TAF5: variants seen among roughly 807,000 people sequenced by gnomAD.
TAF5 encodes TATA-box binding protein associated factor 5.
A neutral mutation model predicts 80.9 loss-of-function variants in TAF5; 20 were observed. The observed-to-expected ratio is 0.25, with a 90% confidence interval of 0.17 to 0.36. The LOEUF is 0.36. TAF5 is among the 10% of genes least tolerant of loss of function. The pLI is 1.00. For missense variants in TAF5, 863 were observed against 1,029.4 expected (o/e 0.84, Z 2.21); for synonymous variants, 388 against 406.4 (o/e 0.95, Z 0.55).
At chr10:103,381,558 C>T (rs567823105) in intron 5 of TAF5, among the ~76,000 whole-genome samples, 163 bp from the exon 6 acceptor site, 4 of 152,282 alleles carry the variant, frequency 2.6e-5, no homozygotes, top group Admixed American at 6.5e-5. Context: ...TGAGCCAGTG[C>T]GCTTGGCCAA....
chr10:103,385,259 A>G, intron 7 of TAF5, 67 bp from the exon 8 acceptor site: 1 of 1,265,986 alleles, frequency 7.9e-7, no homozygotes, highest in Non-Finnish European at 1.1e-6. Context: ...ATTCAAATGT[A>G]TATAAAACTG....
At chr10:103,372,224 C>G (rs1209115833) in intron 1 of TAF5, among the ~76,000 whole-genome samples, 1 of 151,600 alleles carries the variant, frequency 6.6e-6, no homozygotes, top group Non-Finnish European at 1.5e-5. Flanking sequence ...TGTGAGCCAC[C>G]GTGTTGGCCT....
chr10:103,385,497 ACAC>A lies in TAF5; in HGVS notation c.1829+8_1829+10del, dbSNP rs754706967. ...GCCATGACCGAGTAGCTCGGTAAGA[ACAC>A]TGTGATCTTATGACTGGGTCTATTC... is the stretch of plus-strand genomic sequence containing the variant. On this transcript the variant is annotated splice_region_variant and intron_variant, in intron 8 of 10. Coordinates refer to ENST00000369839, the MANE Select transcript of TAF5 (RefSeq NM_006951.5). 1.9e-6 allele frequency: 3 copies of A among 1,613,386 alleles called. No homozygotes were observed. The highest frequency in any genetic ancestry group is 2.5e-6 in the Non-Finnish European group (3 of 1,179,792).
At chr10:103,383,664 C>A (rs898377485) in intron 7 of TAF5, among the ~76,000 whole-genome samples, 1 of 151,472 alleles carries the variant, frequency 6.6e-6, no homozygotes, top group Non-Finnish European at 1.5e-5. Context: ...CCGCAACCTC[C>A]GCCTCCTGGG....
Position 103,378,690 on chromosome 10 carries a change from T to C in TAF5, c.1113+140T>C. 1.0e-6 allele frequency: 1 copy of C among 992,474 alleles called. No individual in the cohort carries two copies. The highest frequency in any genetic ancestry group is 1.7e-5 in the South Asian group (1 of 58,802). 61.5% of individuals were successfully genotyped at this position (992,474 alleles called of 1,614,324 possible). A position where few individuals can be genotyped will look rare whatever the true frequency, so the allele number is the denominator to read the frequency against. ...TGTTTGTTTTGAGACGGAGTTTTGC[T>C]CTTGTCACCCAAGCTGGAGTGCAGT... On this transcript the variant is annotated intron_variant, in intron 3 of 10. Transcript: ENST00000369839. This position sits in a 1 kb window ranked among gnomAD's most constrained non-coding sequence, Gnocchi z 4.1.
chr10:103,374,015 T>C lies in TAF5; in HGVS notation c.797+420T>C, dbSNP rs1427304773. Among the ~76,000 whole-genome samples the C allele has an allele frequency of 1.3e-5, 2 of 152,078 alleles. No homozygotes were observed. Among genetic ancestry groups the C allele is most frequent in the African/African-American group, 4.8e-5 (2 of 41,404 alleles). ...AGGGACTGGAACAGTAGGCAGGTTC[T>C]ATTGTTAAAGTGAAGGCATTGAAAA... On this transcript the variant is annotated intron_variant, in intron 2 of 10. Coordinates refer to ENST00000369839, the MANE Select transcript of TAF5 (RefSeq NM_006951.5). The surrounding 1 kb of genome is among the most constrained non-coding windows in gnomAD (Gnocchi z 4.3).
rs928480690 is a variant in TAF5 at position 103,387,492 on chromosome 10, T to C, written c.2008-29T>C. ...TTTTGTCTTATTTTCCTAGACATAC[T>C]TTGATCTTTTCTATGAACTTTTTTC... is the stretch of plus-strand genomic sequence containing the variant. On this transcript the variant is annotated intron_variant, in intron 9 of 10. Coordinates refer to ENST00000369839, the MANE Select transcript of TAF5 (RefSeq NM_006951.5). 7.5e-6 allele frequency: 12 copies of C among 1,591,806 alleles called. No individual in the cohort carries two copies. In the African/African-American group the frequency reaches 1.6e-4, roughly 22 times the overall value.
rs540122214 is a variant in TAF5 at position 103,388,327 on chromosome 10, C to G, written c.*104C>G. The G allele has an allele frequency of 1.5e-5, 15 of 1,007,508 alleles. No individual in the cohort carries two copies. The East Asian group carries it at 3.8e-4, about 25-fold the overall frequency. 62.4% of individuals were successfully genotyped at this position (1,007,508 alleles called of 1,614,324 possible). A position where few individuals can be genotyped will look rare whatever the true frequency, so the allele number is the denominator to read the frequency against. On this transcript the variant is annotated 3_prime_UTR_variant, in exon 11 of 11. Coordinates refer to ENST00000369839, the MANE Select transcript of TAF5 (RefSeq NM_006951.5). ...TTTAAGCTACAGAGAATGTTTTTGT[C>G]TATATGGATCTGGAAGTATGCTGCT...
chr10:103,381,449 T>C lies in TAF5; in HGVS notation c.1414-272T>C, dbSNP rs189905654. 5.7e-3 allele frequency among the ~76,000 whole-genome samples: 871 copies of C among 151,976 alleles called. 12 individuals are homozygous for C. Among genetic ancestry groups the C allele is most frequent in the Admixed American group, 0.031 (467 of 15,236 alleles). ...GCTTGGCTAATTTTGGTATTTTTAG[T>C]AGAGATGGGGTTTCACCATGTTGGC... On this transcript the variant is annotated intron_variant, in intron 5 of 10. Transcript: ENST00000369839.
intron 2 of TAF5, 149 bp downstream of exon 2, chr10:103,373,744 T>A: frequency 1.6e-6 from 1 of 630,036 alleles, no homozygotes; most frequent in Non-Finnish European, 2.7e-6. Flanking sequence ...TATGAGAACT[T>A]AAAATGTGGG....
rs1323288011 is a variant in TAF5, at chr10:103,368,216, C to G, written c.227C>G (p.Ala76Gly). Residue 76 changes from alanine (A) to glycine (G), a missense_variant, in exon 1 of 11, where the codon GCG becomes GGG. Physicochemically the swap from Ala to Gly is moderately conservative, Grantham distance 60. This residue lies in a region of TAF5 where 367 missense variants were observed against 335.5 expected (regional missense o/e 1.09). Transcript: ENST00000369839. ...GTGGCTGTCTCCGCCGCTGCCCCGG[C>G]GGGGGCGGCCCCGGTGCCCGCCGCT... ...PTVAVSAAAP[A>G]GAAPVPAAAP... 1 of 1,418,202 alleles carries G rather than the reference C, an allele frequency of 7.1e-7. No individual in the cohort carries two copies. Among genetic ancestry groups the G allele is most frequent in the African/African-American group, 1.5e-5 (1 of 67,202 alleles). 87.9% of individuals were successfully genotyped at this position (1,418,202 alleles called of 1,614,324 possible). A position where few individuals can be genotyped will look rare whatever the true frequency, so the allele number is the denominator to read the frequency against.
intron 10 of TAF5, 59 bp downstream of exon 10, chr10:103,387,757 G>T: frequency 6.6e-7 from 1 of 1,505,712 alleles, no homozygotes; most frequent in African/African-American, 1.4e-5. Context: ...CAGTGTTGAC[G>T]ACTGCAATAC....
chr10:103,370,519 G>A (rs1445828242), intron 1 of TAF5, among the ~76,000 whole-genome samples: 2 of 151,592 alleles, frequency 1.3e-5, no homozygotes, highest in African/African-American at 4.8e-5. Flanking sequence ...ATTAGAGACG[G>A]GGTTTCACCG....
At chr10:103,368,658 C>T (rs2093351615) in intron 1 of TAF5, 110 bp downstream of exon 1, 1 of 1,346,686 alleles carries the variant, frequency 7.4e-7, no homozygotes, top group Non-Finnish European at 9.6e-7. Flanking sequence ...TTTCCTGGGC[C>T]CGCCTCTAGG....
chr10:103,375,244 ATT>A (rs2093367916), intron 2 of TAF5, among the ~76,000 whole-genome samples: 1 of 152,146 alleles, frequency 6.6e-6, no homozygotes, highest in African/African-American at 2.4e-5. Flanking sequence ...TTTACAAAGA[ATT>A]ATCCTGCCCA....
In TAF5 at chr10:103,378,291, T is replaced by C. The variant is rs768987186; in HGVS notation, c.854T>C (p.Leu285Pro). The part of the protein sequence containing the change: ...YQDDLRVLSS[L>P]TKKEHMKGNE... ...GATGACCTACGAGTATTATCTAGTC[T>C]TACCAAAAAGGAACACATGAAAGGG... is the stretch of plus-strand genomic sequence containing the variant. The change falls in exon 3 of 11, where the codon CTT becomes CCT. Residue 285 changes from leucine (L) to proline (P), a missense_variant. Transcript: ENST00000369839. The surrounding 1 kb of genome is among the most constrained non-coding windows in gnomAD (Gnocchi z 4.1). 6.2e-7 allele frequency: 1 copy of C among 1,614,190 alleles called. No homozygotes were observed. Among genetic ancestry groups the C allele is most frequent in the Admixed American group, 1.7e-5 (1 of 60,012 alleles).
intron 6 of TAF5, 133 bp from the exon 7 acceptor site, chr10:103,383,105 G>T: frequency 1.5e-6 from 1 of 653,482 alleles, no homozygotes; most frequent in Non-Finnish European, 2.4e-6. Flanking sequence ...TAATTTAGAG[G>T]GATTAGCAAA....
Position 103,389,065 on chromosome 10 carries a change from A to G in TAF5, c.*842A>G, listed in dbSNP as rs1199998332. 6.6e-6 allele frequency: 1 copy of G among 152,634 alleles called. No individual in the cohort carries two copies. Among genetic ancestry groups the G allele is most frequent in the Admixed American group, 6.5e-5 (1 of 15,272 alleles). The allele number at this position is 152,634 out of a possible 1,614,324, so 9.5% of individuals were successfully genotyped here. A position where few individuals can be genotyped will look rare whatever the true frequency, so the allele number is the denominator to read the frequency against. On this transcript the variant is annotated 3_prime_UTR_variant, in exon 11 of 11. Coordinates refer to ENST00000369839, the MANE Select transcript of TAF5 (RefSeq NM_006951.5). ...GACAACCAGCTTTTCCAGGTTCATA[A>G]TTTATTGTACAAATTGAATTATCAC...
chr10:103,379,680 G>C lies in TAF5; in HGVS notation c.1186G>C (p.Glu396Gln). Residue 396 changes from glutamate to glutamine, a missense_variant, in exon 4 of 11, where the codon GAA (glutamate) becomes CAA (glutamine). Glu to Gln is a conservative substitution (Grantham distance 29). Coordinates refer to ENST00000369839, the MANE Select transcript of TAF5 (RefSeq NM_006951.5). ...TGACGAGGATGAAGAGGGAGAAAATGAAGAAGGAAAACCTAAAAAGAAGAA... is the reference window on the plus strand; with the variant it reads ...TGACGAGGATGAAGAGGGAGAAAATCAAGAAGGAAAACCTAAAAAGAAGAA... ...LDDEDEEGEN[E>Q]EGKPKKKKPK... is the part of the protein sequence containing the mutation. The C allele has an allele frequency of 6.2e-7, 1 of 1,609,864 alleles. No individual in the cohort carries two copies. The highest frequency in any genetic ancestry group is 8.5e-7 in the Non-Finnish European group (1 of 1,179,164).
Sources: gnomAD v4.1 joint callset for allele counts (sites outside exome capture counted in the v4.1 genomes callset) on GRCh38, gnomAD v4.1.1 for gene constraint, gnomAD v4.1.1 regional missense constraint, Gnocchi (gnomAD v3.1) non-coding constraint, MANE v1.5 for transcripts, NCBI Gene and HGNC (gene_info 2026-07-23, HGNC 2026-07-21) for gene names.